TSPAN31: variants seen among roughly 807,000 people sequenced by gnomAD.
The protein encoded by TSPAN31 is tetraspanin-31.
TSPAN31 carries 16 observed loss-of-function variants against 24.8 expected under a neutral mutation model. That is an observed-to-expected ratio of 0.64 (90% CI 0.44 to 0.98). TSPAN31 has a LOEUF of 0.98. Among genes scored for constraint, TSPAN31 ranks in the 50% least tolerant of loss-of-function variants. TSPAN31 has a pLI of 0.00. For synonymous variants in TSPAN31, 87 were observed against 91.4 expected (o/e 0.95, Z 0.27); for missense variants, 209 against 251.6 (o/e 0.83, Z 1.15).
chr12:57,748,991 C>G lies in TSPAN31; in HGVS notation c.*1701C>G. 1 of 737,292 alleles carries G rather than the reference C, an allele frequency of 1.4e-6. No homozygotes were observed. The highest frequency in any genetic ancestry group is 2.3e-6 in the Non-Finnish European group (1 of 441,888). The allele number at this position is 737,292 out of a possible 1,614,324, so 45.7% of individuals were successfully genotyped here. A position where few individuals can be genotyped will look rare whatever the true frequency, so the allele number is the denominator to read the frequency against. ...AAAGTGCTGGGATTACAGGCGTGAG[C>G]CACCGTGCCCAGCCAGGATGGGTTC... On this transcript the variant is annotated 3_prime_UTR_variant, in exon 6 of 6. Transcript: ENST00000257910.
rs1183521792 is a variant in TSPAN31, at chr12:57,745,847, C to T, written c.166C>T (p.Leu56Phe). Residue 56 changes from leucine (L) to phenylalanine (F), a missense_variant, in exon 2 of 6, where the codon CTT becomes TTT. Transcript: ENST00000257910. ...CGGAGTCATTGCTGTGGGAGTCTTC[C>T]TTCTCCTTATTGCAGTGGCTGGACT... Reference protein sequence around the residue: ...IGGVIAVGVFLLLIAVAGLVG... With the variant: ...IGGVIAVGVFFLLIAVAGLVG... The T allele has an allele frequency of 6.2e-6, 10 of 1,613,906 alleles. No individual in the cohort carries two copies. The highest frequency in any genetic ancestry group is 8.5e-6 in the Non-Finnish European group (10 of 1,179,992).
intron 2 of TSPAN31, 83 bp from the exon 3 acceptor site, chr12:57,746,093 T>C (rs771469395): frequency 2.4e-5 from 35 of 1,466,510 alleles, no homozygotes; most frequent in Non-Finnish European, 2.9e-5. Flanking sequence ...TGGTGTAAGT[T>C]CTATGAACAG....
chr12:57,749,593 T>C lies in TSPAN31; in HGVS notation c.*2303T>C, dbSNP rs1001155355. Reference sequence around the variant, plus strand: ...GCTTAGTGGCTCAAAATAGGAAGTATAGGGAATAAAGGCCAACAATTCCAG... The same window carrying C: ...GCTTAGTGGCTCAAAATAGGAAGTACAGGGAATAAAGGCCAACAATTCCAG... On this transcript the variant is annotated 3_prime_UTR_variant, in exon 6 of 6. Coordinates refer to ENST00000257910, the MANE Select transcript of TSPAN31 (RefSeq NM_005981.5). The C allele has an allele frequency of 7.6e-6, 10 of 1,308,696 alleles. No individual in the cohort carries two copies. The highest frequency in any genetic ancestry group is 7.7e-6 in the Non-Finnish European group (7 of 911,350). 81.1% of individuals were successfully genotyped at this position (1,308,696 alleles called of 1,614,324 possible). A position where few individuals can be genotyped will look rare whatever the true frequency, so the allele number is the denominator to read the frequency against.
Position 57,746,159 on chromosome 12 carries a change from A to G in TSPAN31, c.232-17A>G. On this transcript the variant is annotated splice_polypyrimidine_tract_variant and intron_variant, in intron 2 of 5. Coordinates refer to ENST00000257910, the MANE Select transcript of TSPAN31 (RefSeq NM_005981.5). Reference sequence around the variant, plus strand: ...ATAAAGGAATCTAGGACTTTTTTCCATAACCTTTCCTCTCAGTACATGATC... The same window carrying G: ...ATAAAGGAATCTAGGACTTTTTTCCGTAACCTTTCCTCTCAGTACATGATC... 1.2e-6 allele frequency: 2 copies of G among 1,610,920 alleles called. No individual in the cohort carries two copies. Among genetic ancestry groups the G allele is most frequent in the East Asian group, 4.5e-5 (2 of 44,876 alleles).
chr12:57,746,451 AGAT>A, intron 3 of TSPAN31, 135 bp from the exon 4 acceptor site: 1 of 1,228,598 alleles, frequency 8.1e-7, no homozygotes, highest in Non-Finnish European at 1.2e-6. Flanking sequence ...CTCAAAAGGT[AGAT>A]ATTTATCGTG....
intron 1 of TSPAN31, 144 bp from the exon 2 acceptor site, chr12:57,745,601 G>T (rs1271340338): frequency 1.9e-6 from 2 of 1,034,740 alleles, no homozygotes; most frequent in African/African-American, 1.6e-5. Context: ...GGATGCTCCC[G>T]GTGCGGATAG....
chr12:57,745,605 C>T, intron 1 of TSPAN31, 140 bp from the exon 2 acceptor site: 1 of 1,063,492 alleles, frequency 9.4e-7, no homozygotes, highest in Non-Finnish European at 1.4e-6. Flanking sequence ...GCTCCCGGTG[C>T]GGATAGCACC....
chr12:57,746,545 C>A (rs1955154825), intron 3 of TSPAN31, 44 bp from the exon 4 acceptor site: 3 of 1,612,386 alleles, frequency 1.9e-6, no homozygotes, highest in Non-Finnish European at 2.5e-6. Flanking sequence ...GAACTGATAA[C>A]AGGATGTAGG....
chr12:57,746,422 T>G (rs972023661), intron 3 of TSPAN31, 166 bp downstream of exon 3: 1 of 1,147,798 alleles, frequency 8.7e-7, no homozygotes, highest in Non-Finnish European at 1.3e-6. Context: ...TAATTTTCCA[T>G]GAGGATGATC....
In TSPAN31 at chr12:57,747,496, C is replaced by T; in HGVS notation, c.*206C>T. On this transcript the variant is annotated 3_prime_UTR_variant, in exon 6 of 6. Coordinates refer to ENST00000257910, the MANE Select transcript of TSPAN31 (RefSeq NM_005981.5). ...TATAAGGAATAAAAGGAAAAACTTT[C>T]TTCCTCTCTCTCCAAGAGGATATGG... The T allele has an allele frequency of 1.9e-6, 1 of 538,798 alleles. No homozygotes were observed. Among genetic ancestry groups the T allele is most frequent in the Non-Finnish European group, 3.3e-6 (1 of 302,050 alleles). 33.4% of individuals were successfully genotyped at this position (538,798 alleles called of 1,614,324 possible). A position where few individuals can be genotyped will look rare whatever the true frequency, so the allele number is the denominator to read the frequency against.
chr12:57,748,150 C>A lies in TSPAN31; in HGVS notation c.*860C>A. ...AATTTAACCAGTCTTTAAGGTTTTG[C>A]AGGAAAGTCCCTTCTTCCAAGTGGT... On this transcript the variant is annotated 3_prime_UTR_variant, in exon 6 of 6. Transcript: ENST00000257910. The A allele has an allele frequency of 2.9e-6, 1 of 345,410 alleles. No individual in the cohort carries two copies. Among genetic ancestry groups the A allele is most frequent in the Non-Finnish European group, 5.4e-6 (1 of 185,778 alleles). 21.4% of individuals were successfully genotyped at this position (345,410 alleles called of 1,614,324 possible).
chr12:57,749,042 G>T lies in TSPAN31; in HGVS notation c.*1752G>T. On this transcript the variant is annotated 3_prime_UTR_variant, in exon 6 of 6. Coordinates refer to ENST00000257910, the MANE Select transcript of TSPAN31 (RefSeq NM_005981.5). ...TCTTCTATATCCTTCTCTGTGGGTG[G>T]CTATTTGCAGCTGTAATAAAAACTA... The T allele has an allele frequency of 9.4e-7, 1 of 1,061,300 alleles. No individual in the cohort carries two copies. The highest frequency in any genetic ancestry group is 1.6e-5 in the African/African-American group (1 of 64,274). The allele number at this position is 1,061,300 out of a possible 1,614,324, so 65.7% of individuals were successfully genotyped here. A position where few individuals can be genotyped will look rare whatever the true frequency, so the allele number is the denominator to read the frequency against.
chr12:57,747,116 C>A lies in TSPAN31; in HGVS notation c.543C>A (p.Phe181Leu), dbSNP rs1955166066. 1.2e-6 allele frequency: 2 copies of A among 1,614,154 alleles called. No homozygotes were observed. Among genetic ancestry groups the A allele is most frequent in the Non-Finnish European group, 1.7e-6 (2 of 1,179,982 alleles). The change falls in exon 5 of 6, where the codon TTC becomes TTA. Residue 181 changes from phenylalanine to leucine, a missense_variant. By Grantham distance (22) the Phe-to-Leu change is conservative. Transcript: ENST00000257910. Reference sequence around the variant, plus strand: ...AAATCCTAGGGGGTGTTGGACTCTTCTTTAGCTTTACAGAGGTAACATTCT... The same window carrying A: ...AAATCCTAGGGGGTGTTGGACTCTTATTTAGCTTTACAGAGGTAACATTCT... ...ALKILGGVGLFFSFTEILGVW... is the reference protein window; with the variant it reads ...ALKILGGVGLLFSFTEILGVW...
At chr12:57,746,915 C>CACTGGTCAGATACT (rs1181111275) in intron 4 of TSPAN31, 103 bp from the exon 5 acceptor site, 23 of 1,354,364 alleles carry the variant, frequency 1.7e-5, no homozygotes, top group Non-Finnish European at 2.4e-5. Flanking sequence ...GTTTGTAGGA[C>CACTGGTCAGATACT]ACTGGTCAGA....
At chr12:57,745,304 T>C in intron 1 of TSPAN31, 87 bp downstream of exon 1, 1 of 1,423,794 alleles carries the variant, frequency 7.0e-7, no homozygotes, top group South Asian at 1.2e-5. Flanking sequence ...GAGAGGGGTG[T>C]ATGGGGGTTC....
At chr12:57,746,143 T>A in intron 2 of TSPAN31, 33 bp from the exon 3 acceptor site, 1 of 1,582,154 alleles carries the variant, frequency 6.3e-7, no homozygotes, top group Non-Finnish European at 8.7e-7. Flanking sequence ...CATAAAGGAA[T>A]CTAGGACTTT....
At position 57,748,582 on chromosome 12, in the gene TSPAN31, A is replaced by C; in HGVS notation, c.*1292A>C. ...AAGAGTGCTGCAGAGCTCGAAAGGC[A>C]GAGATTCGCTTGTGTGGGTTAAAAG... On this transcript the variant is annotated 3_prime_UTR_variant, in exon 6 of 6. Coordinates refer to ENST00000257910, the MANE Select transcript of TSPAN31 (RefSeq NM_005981.5). 6.2e-7 allele frequency: 1 copy of C among 1,614,002 alleles called. No homozygotes were observed. The highest frequency in any genetic ancestry group is 8.5e-7 in the Non-Finnish European group (1 of 1,179,848).
rs1308458499 is a variant in TSPAN31 at position 57,749,370 on chromosome 12, A to G, written c.*2080A>G. ...GGAGGGTCCTCCAGTTCCCATCCCC[A>G]TGGGCAGAGCCAGTTGCCATCCTGG... is the stretch of plus-strand genomic sequence containing the variant. On this transcript the variant is annotated 3_prime_UTR_variant, in exon 6 of 6. Transcript: ENST00000257910. The G allele has an allele frequency of 6.2e-7, 1 of 1,613,766 alleles. No individual in the cohort carries two copies. Among genetic ancestry groups the G allele is most frequent in the African/African-American group, 1.3e-5 (1 of 74,936 alleles).
At chr12:57,746,552 T>C in intron 3 of TSPAN31, 37 bp from the exon 4 acceptor site, 3 of 1,613,564 alleles carry the variant, frequency 1.9e-6, no homozygotes, top group African/African-American at 2.7e-5. Flanking sequence ...TAACAGGATG[T>C]AGGGAGACTT....
Sources: allele counts gnomAD v4.1 joint callset, GRCh38; gene constraint gnomAD v4.1.1; transcripts MANE v1.5; gene names NCBI Gene and HGNC (gene_info 2026-07-23, HGNC 2026-07-21).